Variants in MRPL3 observed in about 807,000 individuals in gnomAD.
The protein encoded by MRPL3 is mitochondrial ribosomal protein L3.
In MRPL3, 43 loss-of-function variants were observed where a neutral mutation model predicts 44.3. The ratio of observed to expected loss-of-function variants is 0.97; its 90% CI spans 0.76 to 1.25. The LOEUF (loss-of-function observed/expected upper bound fraction) is 1.25, where lower values mean the gene tolerates loss of function less well. Among genes scored for constraint, MRPL3 ranks in the 50% most tolerant of loss-of-function variants. MRPL3 has a pLI of 0.00. For missense variants in MRPL3, 406 were observed against 427.6 expected (o/e 0.95, Z 0.45); for synonymous variants, 171 against 152.3 (o/e 1.12, Z -0.91).
At chr3:131,479,334 A>C in intron 6 of MRPL3, 1 of 276,822 alleles carries the variant, frequency 3.6e-6, no homozygotes, top group South Asian at 3.7e-5. Flanking sequence ...CAAATGGAGA[A>C]AGGACACTTG....
rs755437627 is a variant in MRPL3 at position 131,462,816 on chromosome 3, T to G, written c.954A>C (p.Thr318=). ...CCTCTTCATCTCCATCAGGAAAATATGTAGGGAATGGTAGATTTTTACCGA... is the reference window on the plus strand; with the variant it reads ...CCTCTTCATCTCCATCAGGAAAATAGGTAGGGAATGGTAGATTTTTACCGA... ...KDLGKNLPFP[T]YFPDGDEEEL... is the part of the protein sequence containing the mutation. Residue 318 remains threonine, a synonymous_variant, in exon 10 of 10, where the codon ACA becomes ACC. Transcript: ENST00000264995. 1 of 1,613,020 alleles carries G rather than the reference T, an allele frequency of 6.2e-7. No homozygotes were observed. The highest frequency in any genetic ancestry group is 8.5e-7 in the Non-Finnish European group (1 of 1,179,320).
In MRPL3 at chr3:131,502,767, C is replaced by CGG; in HGVS notation, c.54_55insCC (p.Gly19ProfsTer56). The CGG allele has an allele frequency of 6.2e-7, 1 of 1,612,492 alleles. No homozygotes were observed. Among genetic ancestry groups the CGG allele is most frequent in the South Asian group, 1.1e-5 (1 of 90,822 alleles). On this transcript the variant is annotated frameshift_variant, in exon 1 of 10. Transcript: ENST00000264995. LOFTEE classifies it high-confidence loss of function. ...CCCAGGGCAGCACCCAGGCCGTCCCCGAGTCGACCCAGCACCTGGGCGCCG... is the reference window on the plus strand; with the variant it reads ...CCCAGGGCAGCACCCAGGCCGTCCCCGGGAGTCGACCCAGCACCTGGGCGCCG...
intron 5 of MRPL3, among the ~76,000 whole-genome samples, chr3:131,489,387 T>C (rs956500738): frequency 1.3e-5 from 2 of 152,120 alleles, no homozygotes; most frequent in Non-Finnish European, 2.9e-5. Flanking sequence ...CGATATTAAA[T>C]ACCAAATCTT....
chr3:131,475,774 A>G (rs560621682), intron 6 of MRPL3, among the ~76,000 whole-genome samples: 1 of 152,334 alleles, frequency 6.6e-6, no homozygotes, highest in East Asian at 1.9e-4. Flanking sequence ...TGCTTTAGAA[A>G]TTTAACAAAT....
At chr3:131,485,616 T>C (rs1934100770) in intron 6 of MRPL3, among the ~76,000 whole-genome samples, 2 of 151,690 alleles carry the variant, frequency 1.3e-5, no homozygotes, top group South Asian at 4.2e-4. Context: ...GGGGTTCTTG[T>C]AACTAGGAAC....
chr3:131,502,779 G>A lies in MRPL3; in HGVS notation c.43C>T (p.Leu15=). ...CCCAGGCCGTCCCCGAGTCGACCCA[G>A]CACCTGGGCGCCGACCTGCGTCAGC... ...RLLTQVGAQV[L]GRLGDGLGAA... Residue 15 remains leucine, a synonymous_variant, in exon 1 of 10, where the codon CTG becomes TTG. Coordinates refer to ENST00000264995, the MANE Select transcript of MRPL3 (RefSeq NM_007208.4). 3 of 1,612,484 alleles carry A rather than the reference G, an allele frequency of 1.9e-6. No homozygotes were observed. Among genetic ancestry groups the A allele is most frequent in the Middle Eastern group, 1.7e-4 (1 of 6,054 alleles).
At chr3:131,466,688 T>G (rs1175207658) in intron 9 of MRPL3, among the ~76,000 whole-genome samples, 1 of 87,096 alleles carries the variant, frequency 1.1e-5, no homozygotes, top group African/African-American at 7.4e-5. Context: ...AAGCATTTTT[T>G]TTGGGGGGGG....
intron 9 of MRPL3, among the ~76,000 whole-genome samples, chr3:131,466,925 C>G (rs925305045): frequency 2.0e-5 from 3 of 152,084 alleles, no homozygotes; most frequent in Non-Finnish European, 2.9e-5. Context: ...TACTATATAA[C>G]AGAATACCGG....
At chr3:131,474,098 T>G (rs571944322) in intron 6 of MRPL3, among the ~76,000 whole-genome samples, 1 of 152,136 alleles carries the variant, frequency 6.6e-6, no homozygotes, top group African/African-American at 2.4e-5. Flanking sequence ...TGAAGAGATA[T>G]CTTGTATTTA....
chr3:131,491,841 G>T (rs1446449842), intron 4 of MRPL3, among the ~76,000 whole-genome samples: 1 of 152,022 alleles, frequency 6.6e-6, no homozygotes, highest in Non-Finnish European at 1.5e-5. Flanking sequence ...TCACAGGCTG[G>T]CATTATCATT....
chr3:131,486,553 A>C (rs537759422), intron 6 of MRPL3, among the ~76,000 whole-genome samples: 1 of 151,976 alleles, frequency 6.6e-6, no homozygotes, highest in African/African-American at 2.4e-5. Context: ...AAATTTTTGT[A>C]ATCTACCCAT....
At chr3:131,484,204 T>C (rs577168824) in intron 6 of MRPL3, among the ~76,000 whole-genome samples, 83 of 152,220 alleles carry the variant, frequency 5.5e-4, no homozygotes, top group African/African-American at 1.9e-3. Context: ...GGAAAAGTGG[T>C]TTAACTGATG....
chr3:131,492,376 G>A (rs1375865662), intron 4 of MRPL3, among the ~76,000 whole-genome samples: 3 of 151,858 alleles, frequency 2.0e-5, no homozygotes, highest in Admixed American at 6.6e-5. Context: ...CAACCTTTTC[G>A]GTACCAGCGA....
chr3:131,477,897 C>T (rs1400027027), intron 6 of MRPL3, among the ~76,000 whole-genome samples: 2 of 152,164 alleles, frequency 1.3e-5, no homozygotes, highest in Non-Finnish European at 2.9e-5. Flanking sequence ...ATCATTTCCT[C>T]CCTATTTTCC....
intron 4 of MRPL3, among the ~76,000 whole-genome samples, chr3:131,492,590 T>C (rs1934282578): frequency 6.6e-6 from 1 of 152,012 alleles, no homozygotes. Flanking sequence ...TGACAGGAGG[T>C]AGAGCTCGGG....
chr3:131,501,345 G>A (rs1156653992), intron 2 of MRPL3, among the ~76,000 whole-genome samples, 186 bp downstream of exon 2: 2 of 152,088 alleles, frequency 1.3e-5, no homozygotes, highest in African/African-American at 4.8e-5. Context: ...ATTATCATCA[G>A]ACATTCACTA....
At chr3:131,498,066 A>C in intron 4 of MRPL3, 113 bp downstream of exon 4, 1 of 813,726 alleles carries the variant, frequency 1.2e-6, no homozygotes, top group Non-Finnish European at 2.0e-6. Context: ...TACACAATTT[A>C]CCTCACAAAC....
At chr3:131,480,818 T>A (rs1465178222) in intron 6 of MRPL3, among the ~76,000 whole-genome samples, 6 of 152,234 alleles carry the variant, frequency 3.9e-5, no homozygotes, top group Admixed American at 1.3e-4. Context: ...CATGTATTAT[T>A]TCTTTAGTAT....
At chr3:131,479,543 T>C (rs371630206) in intron 6 of MRPL3, among the ~76,000 whole-genome samples, 2 of 152,050 alleles carry the variant, frequency 1.3e-5, no homozygotes, top group African/African-American at 2.4e-5. Context: ...ATAAAACAGA[T>C]TAGAATTAAG....
Sources: allele counts gnomAD v4.1 joint callset (sites outside exome capture counted in the v4.1 genomes callset), GRCh38; gene constraint gnomAD v4.1.1; transcripts MANE v1.5; gene names NCBI Gene and HGNC (gene_info 2026-07-23, HGNC 2026-07-21).